Variants in BANK1 observed in about 807,000 individuals in gnomAD.
BANK1 encodes B-cell scaffold protein with ankyrin repeats.
A neutral mutation model predicts 94.5 loss-of-function variants in BANK1; 95 were observed. That is an observed-to-expected ratio of 1.00 (90% CI 0.85 to 1.19). The LOEUF (loss-of-function observed/expected upper bound fraction) is 1.19. BANK1 is among the 50% of genes most tolerant of loss of function. BANK1 has a pLI of 0.00. For synonymous variants in BANK1, 334 were observed against 308.4 expected (o/e 1.08, Z -0.87); for missense variants, 987 against 932.2 (o/e 1.06, Z -0.77).
chr4:101,933,692 A>G (rs1264485203), intron 7 of BANK1, among the ~76,000 whole-genome samples: 1 of 151,574 alleles, frequency 6.6e-6, no homozygotes, highest in Non-Finnish European at 1.5e-5. Flanking sequence ...GCATTCAGAA[A>G]GTAGCATCAA....
At chr4:101,905,354 C>T (rs571928490) in intron 6 of BANK1, among the ~76,000 whole-genome samples, 158 of 152,278 alleles carry the variant, frequency 1.0e-3, no homozygotes, top group African/African-American at 3.7e-3. Context: ...TGGTGGGGGA[C>T]AGACATTGCA....
intron 2 of BANK1, among the ~76,000 whole-genome samples, chr4:101,844,522 A>C (rs1330975645): frequency 1.3e-5 from 2 of 152,206 alleles, no homozygotes; most frequent in African/African-American, 2.4e-5. Context: ...AGGAAGGACA[A>C]GATGTAGGTG....
At position 102,012,783 on chromosome 4, in the gene BANK1, T is replaced by G. The variant is rs115075313; in HGVS notation, c.1207-8731T>G. ...TTTGTTTGTTTGTTTGTTTTACCATTTGGTTTTCTTTGACCCGTAATCAAA... is the reference window on the plus strand; with the variant it reads ...TTTGTTTGTTTGTTTGTTTTACCATGTGGTTTTCTTTGACCCGTAATCAAA... On this transcript the variant is annotated intron_variant, in intron 7 of 16. Coordinates refer to ENST00000322953, the MANE Select transcript of BANK1 (RefSeq NM_017935.5). Among the ~76,000 whole-genome samples the G allele has an allele frequency of 2.8e-3, 430 of 152,210 alleles. 1 individual carries two copies. The highest frequency in any genetic ancestry group is 9.9e-3 in the African/African-American group (413 of 41,574).
At chr4:101,954,413 G>T (rs928437833) in intron 7 of BANK1, among the ~76,000 whole-genome samples, 1 of 152,152 alleles carries the variant, frequency 6.6e-6, no homozygotes, top group African/African-American at 2.4e-5. Flanking sequence ...GTGTTCATTT[G>T]TGGAGTCCTG....
Position 101,996,774 on chromosome 4 carries a change from T to C in BANK1, c.1207-24740T>C, listed in dbSNP as rs138735286. Among the ~76,000 whole-genome samples the C allele has an allele frequency of 3.2e-3, 484 of 152,360 alleles. 24 individuals carry two copies. The East Asian group carries it at 0.082, about 26-fold the overall frequency. ...AGGAATGCTTGTGATTTTTGCACAT[T>C]GATTTTGTATCCTGACACTTTACTA... On this transcript the variant is annotated intron_variant, in intron 7 of 16. Transcript: ENST00000322953.
intron 3 of BANK1, 35 bp downstream of exon 3, chr4:101,855,224 A>T: frequency 1.9e-6 from 3 of 1,592,524 alleles, no homozygotes; most frequent in Non-Finnish European, 2.6e-6. Flanking sequence ...AAGTGACCCC[A>T]TTGTGTTATG....
intron 6 of BANK1, among the ~76,000 whole-genome samples, chr4:101,897,087 C>G (rs1031311799): frequency 6.6e-5 from 10 of 152,072 alleles, no homozygotes; most frequent in Admixed American, 6.6e-4. Flanking sequence ...AACCACTCCT[C>G]ACCTCATGGT....
intron 11 of BANK1, among the ~76,000 whole-genome samples, chr4:102,055,418 G>A (rs889001907): frequency 2.0e-5 from 3 of 151,922 alleles, no homozygotes; most frequent in East Asian, 1.9e-4. Context: ...AGGTATTCGT[G>A]TTAGGGATAG....
chr4:101,843,892 A>G (rs1727150798), intron 2 of BANK1, among the ~76,000 whole-genome samples: 2 of 152,228 alleles, frequency 1.3e-5, no homozygotes, highest in South Asian at 4.1e-4. Context: ...GTTGCACTCC[A>G]GCCTGGGTGA....
intron 7 of BANK1, among the ~76,000 whole-genome samples, chr4:102,015,167 C>T (rs1726651828): frequency 6.6e-6 from 1 of 151,952 alleles, no homozygotes; most frequent in South Asian, 2.1e-4. Flanking sequence ...GATTCCATGT[C>T]AGGCTTATTT....
At chr4:101,792,147 TG>T (rs1725007926) in intron 1 of BANK1, among the ~76,000 whole-genome samples, 1 of 152,172 alleles carries the variant, frequency 6.6e-6, no homozygotes, top group African/African-American at 2.4e-5. Flanking sequence ...TTATTTCACT[TG>T]ATACTAAGCA....
At chr4:101,917,422 TA>T (rs1227090002) in intron 6 of BANK1, among the ~76,000 whole-genome samples, 1 of 151,944 alleles carries the variant, frequency 6.6e-6, no homozygotes, top group East Asian at 1.9e-4. Flanking sequence ...AAGACATTGA[TA>T]AAAAAGTTGT....
At chr4:101,983,289 T>A (rs185235012) in intron 7 of BANK1, among the ~76,000 whole-genome samples, 13 of 152,212 alleles carry the variant, frequency 8.5e-5, no homozygotes, top group African/African-American at 2.9e-4. Context: ...GAGGAAAATG[T>A]ATGGAAATCT....
At chr4:101,973,236 A>G (rs1725013547) in intron 7 of BANK1, among the ~76,000 whole-genome samples, 1 of 152,016 alleles carries the variant, frequency 6.6e-6, no homozygotes, top group Non-Finnish European at 1.5e-5. Flanking sequence ...TTAATAATTC[A>G]TAATACCACT....
rs766447099 is a variant in BANK1, at chr4:102,030,106, G to C, written c.1741G>C (p.Ala581Pro). The change falls in exon 10 of 17, where the codon GCT becomes CCT. Residue 581 changes from alanine (A) to proline (P), a missense_variant. By Grantham distance (27) the Ala-to-Pro change is conservative (BLOSUM62 -1). Coordinates refer to ENST00000322953, the MANE Select transcript of BANK1 (RefSeq NM_017935.5). ...GGAGGAAGAAGACCCATATACTTTTGCTGAGATTGATGACAGTGAATATGA... is the reference window on the plus strand; with the variant it reads ...GGAGGAAGAAGACCCATATACTTTTCCTGAGATTGATGACAGTGAATATGA... The part of the protein sequence containing the change: ...QEEEEDPYTF[A>P]EIDDSEYDMI... The C allele has an allele frequency of 3.5e-5, 57 of 1,613,812 alleles. 1 individual carries two copies. The highest frequency in any genetic ancestry group is 4.6e-5 in the Non-Finnish European group (54 of 1,179,946).
Position 102,025,507 on chromosome 4 carries a change from C to T in BANK1, c.1592C>T (p.Pro531Leu). The T allele has an allele frequency of 6.2e-7, 1 of 1,607,758 alleles. No individual in the cohort carries two copies. The change falls in exon 9 of 17, where the codon CCA becomes CTA. Residue 531 changes from proline (P) to leucine (L), a missense_variant and splice_region_variant. Transcript: ENST00000322953. ...CTGGAAAGACCTCACTTCACCTTACCAGGTAAGTTTAAGGTTAGAAAAAAA... is the reference window on the plus strand; with the variant it reads ...CTGGAAAGACCTCACTTCACCTTACTAGGTAAGTTTAAGGTTAGAAAAAAA... ...FQLERPHFTL[P>L]GTMVEGQMER...
rs145608572 is a variant in BANK1 at position 101,921,012 on chromosome 4, A to T, written c.1206+2823A>T. Among the ~76,000 whole-genome samples, 629 of 151,888 alleles carry T rather than the reference A, an allele frequency of 4.1e-3. 4 individuals are homozygous for T. Among genetic ancestry groups the T allele is most frequent in the African/African-American group, 0.014 (570 of 41,502 alleles). ...AGAGTAGGAGAAGAAGGGGGCCTGAAATCACATTTCTTACATTGCTTCATG... is the reference window on the plus strand; with the variant it reads ...AGAGTAGGAGAAGAAGGGGGCCTGATATCACATTTCTTACATTGCTTCATG... On this transcript the variant is annotated intron_variant, in intron 7 of 16. Transcript: ENST00000322953.
chr4:101,936,341 A>G (rs1317785371), intron 7 of BANK1, among the ~76,000 whole-genome samples: 6 of 143,740 alleles, frequency 4.2e-5, no homozygotes, highest in African/African-American at 1.2e-4. Context: ...ATATATATGT[A>G]CATATACATG....
intron 1 of BANK1, among the ~76,000 whole-genome samples, chr4:101,802,401 T>C (rs1725384786): frequency 6.6e-6 from 1 of 152,218 alleles, no homozygotes; most frequent in Non-Finnish European, 1.5e-5. Flanking sequence ...TCTGTGAAGG[T>C]CAACAGAATA....
Sources: gnomAD v4.1 joint callset for allele counts (sites outside exome capture counted in the v4.1 genomes callset) on GRCh38, gnomAD v4.1.1 for gene constraint, MANE v1.5 for transcripts, NCBI Gene and HGNC (gene_info 2026-07-23, HGNC 2026-07-21) for gene names.